The following TOP6BL variants were observed in gnomAD, a reference collection of about 807,000 sequenced individuals.
TOP6BL encodes TOP6B like initiator of meiotic double strand breaks, also known as type 2 DNA topoisomerase 6 subunit B-like.
chr11:66,806,743 A>G, the TOP6BL span, among the ~76,000 whole-genome samples: 1 of 152,070 alleles, frequency 6.6e-6, no homozygotes, highest in Admixed American at 6.5e-5. Flanking sequence ...GCGACAGAGC[A>G]AGACTCTGTC....
chr11:66,807,574 AAAAC>A, the TOP6BL span, among the ~76,000 whole-genome samples: 5 of 152,188 alleles, frequency 3.3e-5, no homozygotes, highest in East Asian at 1.9e-4. Flanking sequence ...TCCATCTCAA[AAAAC>A]AAACAAACAA....
chr11:66,760,693 A>G, the TOP6BL span, among the ~76,000 whole-genome samples: 1 of 149,586 alleles, frequency 6.7e-6, no homozygotes, highest in Non-Finnish European at 1.5e-5. Context: ...ACTCCCAGCT[A>G]CTTAGGAGAC....
At chr11:66,759,582 AATTT>A in the TOP6BL span, among the ~76,000 whole-genome samples, 2 of 152,070 alleles carry the variant, frequency 1.3e-5, no homozygotes. Context: ...TAGTTTTAAG[AATTT>A]ATTTATTTAT....
the TOP6BL span, chr11:66,756,313 A>G: frequency 1.7e-6 from 2 of 1,175,338 alleles, no homozygotes; most frequent in Non-Finnish European, 2.1e-6. Context: ...GAAATGCTAC[A>G]TACAGTTAAC....
chr11:66,793,370 G>C, the TOP6BL span, among the ~76,000 whole-genome samples: 6 of 151,666 alleles, frequency 4.0e-5, no homozygotes, highest in Non-Finnish European at 8.8e-5. Flanking sequence ...TGGGATTACA[G>C]GCATGAGCCA....
the TOP6BL span, among the ~76,000 whole-genome samples, chr11:66,784,587 G>A: frequency 6.6e-6 from 1 of 152,170 alleles, no homozygotes; most frequent in African/African-American, 2.4e-5. Flanking sequence ...TCTACTTTCT[G>A]TCTCTGTCGA....
the TOP6BL span, among the ~76,000 whole-genome samples, chr11:66,841,310 G>T: frequency 6.6e-6 from 1 of 151,834 alleles, no homozygotes; most frequent in South Asian, 2.1e-4. Flanking sequence ...TAGAGACGGG[G>T]TTTCACCATG....
the TOP6BL span, among the ~76,000 whole-genome samples, chr11:66,840,889 T>C: frequency 6.6e-6 from 1 of 152,156 alleles, no homozygotes; most frequent in Non-Finnish European, 1.5e-5. Context: ...ATCCCAACTG[T>C]TGACCACTGC....
chr11:66,798,986 C>T, the TOP6BL span, among the ~76,000 whole-genome samples: 1 of 151,886 alleles, frequency 6.6e-6, no homozygotes, highest in Non-Finnish European at 1.5e-5. Flanking sequence ...GTGGGCAGAT[C>T]ACCTGAGGTC....
chr11:66,782,544 C>G, the TOP6BL span, among the ~76,000 whole-genome samples: 1 of 152,080 alleles, frequency 6.6e-6, no homozygotes, highest in African/African-American at 2.4e-5. Context: ...TTAGTGGGAC[C>G]ACTGTCCTCT....
chr11:66,814,039 A>G, the TOP6BL span: 4 of 1,592,104 alleles, frequency 2.5e-6, no homozygotes, highest in Non-Finnish European at 3.4e-6. Context: ...CTTTCTGCAC[A>G]GGAATTAAGA....
the TOP6BL span, among the ~76,000 whole-genome samples, chr11:66,822,361 G>A: frequency 6.6e-6 from 1 of 151,890 alleles, no homozygotes; most frequent in African/African-American, 2.4e-5. Flanking sequence ...TCACCTCTGT[G>A]AAATGCAAGA....
At chr11:66,829,068 CAAAAAA>C in the TOP6BL span, among the ~76,000 whole-genome samples, 2 of 33,102 alleles carry the variant, frequency 6.0e-5, no homozygotes, top group African/African-American at 1.1e-4. Flanking sequence ...GCCTCTGTCT[CAAAAAA>C]AAAAAAAAAA....
At chr11:66,788,310 T>A in the TOP6BL span, 1 of 1,360,490 alleles carries the variant, frequency 7.4e-7, no homozygotes, top group Non-Finnish European at 1.0e-6. Context: ...AATGATTTTA[T>A]TCTTATTTTT....
At chr11:66,804,038 C>A in the TOP6BL span, 563 of 1,613,360 alleles carry the variant, frequency 3.5e-4, no homozygotes, top group Non-Finnish European at 4.6e-4. Flanking sequence ...CAGCAGAATT[C>A]ACCCTGTGCT....
At chr11:66,824,552 C>T in the TOP6BL span, among the ~76,000 whole-genome samples, 16 of 150,278 alleles carry the variant, frequency 1.1e-4, no homozygotes, top group Non-Finnish European at 2.4e-4. Flanking sequence ...CCCAGTAACT[C>T]GTCATTTAAC....
the TOP6BL span, among the ~76,000 whole-genome samples, chr11:66,752,494 C>T: frequency 6.6e-6 from 1 of 151,972 alleles, no homozygotes; most frequent in East Asian, 1.9e-4. Context: ...CTCTGTCACC[C>T]AGGGTGGAGT....
chr11:66,783,055 T>C, the TOP6BL span, among the ~76,000 whole-genome samples: 1 of 152,158 alleles, frequency 6.6e-6, no homozygotes, highest in Non-Finnish European at 1.5e-5. Context: ...CTCTTAAAAG[T>C]TCAGATTTGG....
chr11:66,832,894 C>T, the TOP6BL span, among the ~76,000 whole-genome samples: 3 of 152,174 alleles, frequency 2.0e-5, no homozygotes, highest in Admixed American at 6.6e-5. Flanking sequence ...CACACTCCTT[C>T]CAAAGTTTCT....
Sources: allele counts gnomAD v4.1 joint callset (sites outside exome capture counted in the v4.1 genomes callset), GRCh38; gene constraint gnomAD v4.1.1; transcripts MANE v1.5; gene names NCBI Gene and HGNC (gene_info 2026-07-23, HGNC 2026-07-21).